Variants in UBE3C observed in about 807,000 individuals in gnomAD.
The protein encoded by UBE3C is ubiquitin-protein ligase E3C.
UBE3C carries 42 observed loss-of-function variants against 129.4 expected under a neutral mutation model. That is an observed-to-expected ratio of 0.32 (90% confidence interval 0.25 to 0.42). The LOEUF (loss-of-function observed/expected upper bound fraction) is 0.42, where lower values mean the gene tolerates loss of function less well. UBE3C is among the 10% of genes least tolerant of loss of function. The probability of loss-of-function intolerance (pLI) is 1.00; values close to 1 mark genes in which losing one functional copy is unlikely to be tolerated. For synonymous variants in UBE3C, 510 were observed against 492.4 expected (o/e 1.04, Z -0.47); for missense variants, 1,049 against 1,319.1 (o/e 0.80, Z 3.17).
rs891221968 is a variant in UBE3C, at chr7:157,161,746, G to A, written c.67-2064G>A. On this transcript the variant is annotated intron_variant, in intron 1 of 22. Coordinates refer to ENST00000348165, the MANE Select transcript of UBE3C (RefSeq NM_014671.3). ...TCGGATTATAGCCATGAGCCATTGCGCCAAGTCTGGCTTTACATTTTGGCA... is the reference window on the plus strand; with the variant it reads ...TCGGATTATAGCCATGAGCCATTGCACCAAGTCTGGCTTTACATTTTGGCA... Among the ~76,000 whole-genome samples, 6 of 152,034 alleles carry A rather than the reference G, an allele frequency of 3.9e-5. No individual in the cohort carries two copies. The South Asian group carries it at 1.2e-3, about 32-fold the overall frequency.
In UBE3C at chr7:157,230,414, A is replaced by G. The variant is rs1175871698; in HGVS notation, c.2234-666A>G. Among the ~76,000 whole-genome samples, 10 of 151,550 alleles carry G rather than the reference A, an allele frequency of 6.6e-5. No individual in the cohort carries two copies. The East Asian group carries it at 1.8e-3, about 27-fold the overall frequency. ...GCTTTTGAAAAAAAAAAAAAATTACAGGCCGGGCACGGTGGCTCACGCCTG... is the reference window on the plus strand; with the variant it reads ...GCTTTTGAAAAAAAAAAAAAATTACGGGCCGGGCACGGTGGCTCACGCCTG... On this transcript the variant is annotated intron_variant, in intron 17 of 22. Transcript: ENST00000348165.
At chr7:157,173,100 A>G (rs1348731523) in intron 4 of UBE3C, among the ~76,000 whole-genome samples, 1 of 152,256 alleles carries the variant, frequency 6.6e-6, no homozygotes, top group South Asian at 2.1e-4. Context: ...TGGGCTGGAC[A>G]CAGTGGCTCA....
intron 18 of UBE3C, among the ~76,000 whole-genome samples, chr7:157,247,069 T>C (rs2116677815): frequency 6.6e-6 from 1 of 152,254 alleles, no homozygotes; most frequent in South Asian, 2.1e-4. Context: ...TTTTTTTTAT[T>C]TAGTAGAGAC....
In UBE3C at chr7:157,216,980, G is replaced by A; in HGVS notation, c.1914+9G>A. Reference sequence around the variant, plus strand: ...ATATTAAAGCAGATAAGGTGTTATTGAAAGATCTTTTTAATATTTATCATT... The same window carrying A: ...ATATTAAAGCAGATAAGGTGTTATTAAAAGATCTTTTTAATATTTATCATT... On this transcript the variant is annotated intron_variant, in intron 14 of 22. Coordinates refer to ENST00000348165, the MANE Select transcript of UBE3C (RefSeq NM_014671.3). The A allele has an allele frequency of 6.3e-7, 1 of 1,595,194 alleles. No homozygotes were observed. Among genetic ancestry groups the A allele is most frequent in the Non-Finnish European group, 8.6e-7 (1 of 1,165,340 alleles).
At chr7:157,230,159 C>T (rs1331640342) in intron 17 of UBE3C, among the ~76,000 whole-genome samples, 1 of 151,964 alleles carries the variant, frequency 6.6e-6, no homozygotes, top group Non-Finnish European at 1.5e-5. Context: ...ATCCGCCCAC[C>T]TCAGCGTCCC....
chr7:157,179,190 C>G (rs940473523), intron 6 of UBE3C, among the ~76,000 whole-genome samples: 1 of 151,922 alleles, frequency 6.6e-6, no homozygotes, highest in African/African-American at 2.4e-5. Context: ...AGGAAGGGCT[C>G]TTACCACCTC....
chr7:157,251,065 A>G (rs1460877068), intron 19 of UBE3C, among the ~76,000 whole-genome samples: 2 of 152,228 alleles, frequency 1.3e-5, no homozygotes, highest in East Asian at 3.8e-4. Flanking sequence ...AATGTATGAG[A>G]ATAATTATAC....
At chr7:157,231,406 G>A in intron 18 of UBE3C, 79 bp downstream of exon 18, 1 of 1,556,000 alleles carries the variant, frequency 6.4e-7, no homozygotes, top group South Asian at 1.2e-5. Context: ...TTGTTATCCA[G>A]GTTTACCATA....
At chr7:157,159,551 A>C (rs1046553070) in intron 1 of UBE3C, among the ~76,000 whole-genome samples, 2 of 152,234 alleles carry the variant, frequency 1.3e-5, no homozygotes, top group Non-Finnish European at 2.9e-5. Flanking sequence ...TTCAGAATCC[A>C]GTTGTATCAG....
intron 17 of UBE3C, 120 bp from the exon 18 acceptor site, chr7:157,230,960 C>G: frequency 7.3e-7 from 1 of 1,363,454 alleles, no homozygotes. Context: ...GTTTTGAGTC[C>G]TATGTTAAAA....
intron 2 of UBE3C, among the ~76,000 whole-genome samples, chr7:157,168,846 G>T (rs1033930398): frequency 6.6e-6 from 1 of 152,210 alleles, no homozygotes; most frequent in East Asian, 1.9e-4. Flanking sequence ...TTGTGGTGAT[G>T]AAGGTATTCT....
chr7:157,209,291 TA>T (rs2117013184), intron 13 of UBE3C, among the ~76,000 whole-genome samples: 1 of 152,376 alleles, frequency 6.6e-6, no homozygotes, highest in South Asian at 2.1e-4. Context: ...GCAGCAGCCG[TA>T]ACTGATAATG....
At chr7:157,244,744 T>C (rs1796433244) in intron 18 of UBE3C, among the ~76,000 whole-genome samples, 1 of 152,254 alleles carries the variant, frequency 6.6e-6, no homozygotes, top group Non-Finnish European at 1.5e-5. Flanking sequence ...AGGCTTCTAC[T>C]ATAATTAATC....
intron 13 of UBE3C, among the ~76,000 whole-genome samples, chr7:157,214,767 T>A (rs1248009536): frequency 1.3e-5 from 2 of 152,212 alleles, no homozygotes; most frequent in Non-Finnish European, 2.9e-5. Flanking sequence ...TCATTGAGAT[T>A]TCATCTTTGC....
At chr7:157,190,336 G>C (rs754605825) in intron 10 of UBE3C, among the ~76,000 whole-genome samples, 4 of 150,980 alleles carry the variant, frequency 2.6e-5, no homozygotes, top group Non-Finnish European at 5.9e-5. Flanking sequence ...TTCTGTCCCT[G>C]TTTTGGTGAA....
intron 13 of UBE3C, among the ~76,000 whole-genome samples, chr7:157,215,357 A>G (rs1446170479): frequency 6.6e-6 from 1 of 151,850 alleles, no homozygotes; most frequent in Non-Finnish European, 1.5e-5. Context: ...AAGCATTTGT[A>G]TTTCATTGTA....
intron 1 of UBE3C, 29 bp from the exon 2 acceptor site, chr7:157,163,770 AATTATAACCTT>A: frequency 2.5e-6 from 4 of 1,594,462 alleles, no homozygotes; most frequent in Non-Finnish European, 3.4e-6. Flanking sequence ...TTAAAATTGA[AATTATAACCTT>A]ACCTCCTTTT....
chr7:157,157,046 G>A (rs1269322628), intron 1 of UBE3C, among the ~76,000 whole-genome samples: 1 of 152,058 alleles, frequency 6.6e-6, no homozygotes, highest in Non-Finnish European at 1.5e-5. Flanking sequence ...GCGGTAGGAG[G>A]AAAAAATAAA....
rs560194567 is a variant in UBE3C at position 157,180,234 on chromosome 7, A to C, written c.617-1284A>C. On this transcript the variant is annotated intron_variant, in intron 6 of 22. Transcript: ENST00000348165. ...GTATTGTTATTGCACATTCTGTGCC[A>C]TGAAGCTTTTTAACATTTGCAACAG... 1.7e-4 allele frequency among the ~76,000 whole-genome samples: 26 copies of C among 152,362 alleles called. No homozygotes were observed. The South Asian group carries it at 4.6e-3, about 27-fold the overall frequency.
Sources: allele counts gnomAD v4.1 joint callset (sites outside exome capture counted in the v4.1 genomes callset), GRCh38; gene constraint gnomAD v4.1.1; transcripts MANE v1.5; gene names NCBI Gene and HGNC (gene_info 2026-07-23, HGNC 2026-07-21).